Variants in ATP5PB observed in about 807,000 individuals in gnomAD.
ATP5PB encodes ATP synthase peripheral stalk subunit b, mitochondrial.
Under a neutral mutation model 34.5 loss-of-function variants are expected in ATP5PB, and 21 were observed. The ratio of observed to expected loss-of-function variants is 0.61; its 90% CI spans 0.43 to 0.88. ATP5PB has a LOEUF of 0.88. Among genes scored for constraint, ATP5PB ranks in the 40% least tolerant of loss-of-function variants. ATP5PB has a pLI of 0.00. For synonymous variants in ATP5PB, 108 were observed against 114.1 expected, an observed-to-expected ratio of 0.95 and a Z score of 0.34; for missense variants, 293 against 317.4, an observed-to-expected ratio of 0.92 and a Z score of 0.58.
intron 2 of ATP5PB, among the ~76,000 whole-genome samples, chr1:111,452,881 C>A (rs998564937): frequency 1.3e-5 from 2 of 152,166 alleles, no homozygotes; most frequent in Non-Finnish European, 2.9e-5. Context: ...CAACCTCTTA[C>A]AACAAAGAAA....
chr1:111,459,545 T>C lies in ATP5PB; in HGVS notation c.602T>C (p.Ile201Thr). The C allele has an allele frequency of 6.2e-7, 1 of 1,613,996 alleles. No individual in the cohort carries two copies. The highest frequency in any genetic ancestry group is 8.5e-7 in the Non-Finnish European group (1 of 1,179,876). ...GTAAAGAATCGCCTGGACTATCATA[T>C]ATCTGTGCAGAACATGATGCGTCGA... ...KEVKNRLDYH[I>T]SVQNMMRRKE... Residue 201 changes from isoleucine to threonine, a missense_variant, in exon 6 of 7, where the codon ATA becomes ACA. Transcript: ENST00000369722.
intron 6 of ATP5PB, 136 bp from the exon 7 acceptor site, chr1:111,460,781 G>A: frequency 3.3e-6 from 2 of 608,802 alleles, no homozygotes; most frequent in South Asian, 4.4e-5. Flanking sequence ...CTGTCTAGTA[G>A]CTGTATAGTG....
chr1:111,460,539 A>AT (rs1374684186), intron 6 of ATP5PB, among the ~76,000 whole-genome samples: 1 of 151,606 alleles, frequency 6.6e-6, no homozygotes, highest in African/African-American at 2.4e-5. Context: ...ATTAAAAATT[A>AT]TTTTCATTCT....
intron 5 of ATP5PB, among the ~76,000 whole-genome samples, chr1:111,457,335 A>T (rs1046383476): frequency 6.6e-6 from 1 of 152,070 alleles, no homozygotes; most frequent in South Asian, 2.1e-4. Flanking sequence ...ACACACACAC[A>T]CACACAAACA....
At position 111,460,917 on chromosome 1, in the gene ATP5PB, G is replaced by A. The variant is rs1226646914; in HGVS notation, c.694G>A (p.Glu232Lys). 1.2e-6 allele frequency: 2 copies of A among 1,613,404 alleles called. No individual in the cohort carries two copies. Among genetic ancestry groups the A allele is most frequent in the Non-Finnish European group, 1.7e-6 (2 of 1,179,692 alleles). Residue 232 changes from glutamate (E) to lysine (K), a missense_variant and splice_region_variant, in exon 7 of 7, where the codon GAA becomes AAA. Physicochemically the swap from Glu to Lys is moderately conservative, Grantham distance 56. Coordinates refer to ENST00000369722, the MANE Select transcript of ATP5PB (RefSeq NM_001688.5). ...HVVQSISTQQ[E>K]KETIAKCIAD... is the part of the protein sequence containing the mutation. The stretch of plus-strand genomic sequence containing the variant: ...CCAGATTTCTCTTTCCTTATCACAG[G>A]AAAAGGAGACAATTGCCAAGTGCAT...
chr1:111,459,784 A>G, intron 6 of ATP5PB, 148 bp downstream of exon 6: 1 of 786,258 alleles, frequency 1.3e-6, no homozygotes, highest in East Asian at 2.8e-5. Flanking sequence ...GGATAGTGAT[A>G]AGCAGGAAGA....
At chr1:111,454,462 G>T (rs974264363) in intron 3 of ATP5PB, 106 bp downstream of exon 3, 5 of 1,421,196 alleles carry the variant, frequency 3.5e-6, no homozygotes, top group African/African-American at 3.0e-5. Flanking sequence ...TGTTGTTGTT[G>T]TTGTTGTTTT....
intron 6 of ATP5PB, among the ~76,000 whole-genome samples, chr1:111,459,973 TG>T (rs1374825264): frequency 2.6e-5 from 4 of 152,158 alleles, no homozygotes; most frequent in African/African-American, 9.7e-5. Context: ...AAGACCAACC[TG>T]GGCAACATAG....
chr1:111,456,784 G>A lies in ATP5PB; in HGVS notation c.513+29G>A, dbSNP rs1045301051. 3 of 1,576,372 alleles carry A rather than the reference G, an allele frequency of 1.9e-6. No homozygotes were observed. In the African/African-American group the frequency reaches 4.1e-5, roughly 22 times the overall value. Reference sequence around the variant, plus strand: ...GGTTTCAGAAGTTTCTAGGAAGAATGAAGTTACTTGTTGTGTGCATTTTTT... The same window carrying A: ...GGTTTCAGAAGTTTCTAGGAAGAATAAAGTTACTTGTTGTGTGCATTTTTT... On this transcript the variant is annotated intron_variant, in intron 5 of 6. Coordinates refer to ENST00000369722, the MANE Select transcript of ATP5PB (RefSeq NM_001688.5).
chr1:111,458,958 G>A lies in ATP5PB; in HGVS notation c.514-499G>A, dbSNP rs181199054. Among the ~76,000 whole-genome samples the A allele has an allele frequency of 6.0e-4, 92 of 152,272 alleles. No individual in the cohort carries two copies. The Middle Eastern group carries it at 0.01, about 17-fold the overall frequency. On this transcript the variant is annotated intron_variant, in intron 5 of 6. Transcript: ENST00000369722. ...ATCTAAACACAAGAGTGTTTAGAGT[G>A]TAGTCAGTACTCTACAAATGTTAAC...
At chr1:111,457,171 G>A (rs1477716170) in intron 5 of ATP5PB, among the ~76,000 whole-genome samples, 1 of 152,114 alleles carries the variant, frequency 6.6e-6, no homozygotes. Flanking sequence ...AAGCAGGCAG[G>A]GCACAGTGGC....
chr1:111,454,451 TTG>T (rs1288122340), intron 3 of ATP5PB, 95 bp downstream of exon 3: 1 of 1,420,970 alleles, frequency 7.0e-7, no homozygotes, highest in Admixed American at 2.3e-5. Context: ...GTTGTTGTTG[TTG>T]TTGTTGTTGT....
intron 2 of ATP5PB, 90 bp downstream of exon 2, chr1:111,449,963 G>C: frequency 6.5e-7 from 1 of 1,549,628 alleles, no homozygotes; most frequent in Non-Finnish European, 8.9e-7. Flanking sequence ...CTTTAGGTCA[G>C]AAATTTCTTT....
chr1:111,462,724 G>T lies in ATP5PB; in HGVS notation c.*1730G>T, dbSNP rs1653659238. On this transcript the variant is annotated 3_prime_UTR_variant, in exon 7 of 7. Transcript: ENST00000369722. ...TATCTTTGTTACTTAAAGATAATTTGATTGGATCAGCAGTTATTTCAAATT... is the reference window on the plus strand; with the variant it reads ...TATCTTTGTTACTTAAAGATAATTTTATTGGATCAGCAGTTATTTCAAATT... 1 of 152,168 alleles carries T rather than the reference G, an allele frequency of 6.6e-6. No homozygotes were observed. Among genetic ancestry groups the T allele is most frequent in the African/African-American group, 2.4e-5 (1 of 41,454 alleles). 9.4% of individuals were successfully genotyped at this position (152,168 alleles called of 1,614,324 possible). A position where few individuals can be genotyped will look rare whatever the true frequency, so the allele number is the denominator to read the frequency against.
chr1:111,454,443 TG>T (rs1653413349), intron 3 of ATP5PB, 87 bp downstream of exon 3: 4 of 1,365,526 alleles, frequency 2.9e-6, no homozygotes, highest in Non-Finnish European at 3.9e-6. Context: ...TGGTTTTTGT[TG>T]TTGTTGTTGT....
In ATP5PB at chr1:111,461,956, G is replaced by A. The variant is rs1226071292; in HGVS notation, c.*962G>A. ...CTATCAGGAACATAGAAAATAACAA[G>A]TGTTGGCAAGGAAGTGGAGAAGTTG... is the stretch of plus-strand genomic sequence containing the variant. On this transcript the variant is annotated 3_prime_UTR_variant, in exon 7 of 7. Transcript: ENST00000369722. The A allele has an allele frequency of 2.0e-5, 3 of 150,716 alleles. No individual in the cohort carries two copies. The highest frequency in any genetic ancestry group is 2.9e-5 in the Non-Finnish European group (2 of 67,838). 9.3% of individuals were successfully genotyped at this position (150,716 alleles called of 1,614,324 possible). A position where few individuals can be genotyped will look rare whatever the true frequency, so the allele number is the denominator to read the frequency against.
chr1:111,455,932 ACT>A (rs1653460371), intron 3 of ATP5PB, among the ~76,000 whole-genome samples, 152 bp from the exon 4 acceptor site: 1 of 152,076 alleles, frequency 6.6e-6, no homozygotes, highest in Non-Finnish European at 1.5e-5. Context: ...TGTTCTTTCA[ACT>A]CTACCATACT....
At chr1:111,450,172 T>C (rs1345787253) in intron 2 of ATP5PB, among the ~76,000 whole-genome samples, 4 of 152,202 alleles carry the variant, frequency 2.6e-5, no homozygotes, top group African/African-American at 9.7e-5. Context: ...TTATGACATG[T>C]AGCTTCCACA....
At chr1:111,456,498 G>A in intron 4 of ATP5PB, 132 bp from the exon 5 acceptor site, 2 of 1,262,358 alleles carry the variant, frequency 1.6e-6, no homozygotes, top group South Asian at 3.7e-5. Flanking sequence ...AAGGATTTGT[G>A]CGTTTCTTTC....
Sources: gnomAD v4.1 joint callset for allele counts (sites outside exome capture counted in the v4.1 genomes callset) on GRCh38, gnomAD v4.1.1 for gene constraint, MANE v1.5 for transcripts, NCBI Gene and HGNC (gene_info 2026-07-23, HGNC 2026-07-21) for gene names.